The following CAMK4 variants were observed in gnomAD, a reference collection of about 807,000 sequenced individuals.
CAMK4 encodes calcium/calmodulin dependent protein kinase IV.
CAMK4 carries 22 observed loss-of-function variants against 44.9 expected under a neutral mutation model. The ratio of observed to expected loss-of-function variants is 0.49; its 90% CI spans 0.35 to 0.70. CAMK4 has a LOEUF of 0.70. Among genes scored for constraint, CAMK4 ranks in the 30% least tolerant of loss-of-function variants. The pLI, the probability that CAMK4 is intolerant of heterozygous loss-of-function variation, is 0.01. For synonymous variants in CAMK4, 218 were observed against 215.4 expected, an observed-to-expected ratio of 1.01 and a Z score of -0.11; for missense variants, 498 against 586.8, an observed-to-expected ratio of 0.85 and a Z score of 1.56.
chr5:111,451,348 A>T (rs1191296654), intron 7 of CAMK4, among the ~76,000 whole-genome samples: 3 of 152,026 alleles, frequency 2.0e-5, no homozygotes, highest in Admixed American at 6.6e-5. Flanking sequence ...ATATATATAT[A>T]TTTTTTGAGA....
At position 111,343,660 on chromosome 5, in the gene CAMK4, A is replaced by T. The variant is rs146518914; in HGVS notation, c.162-364A>T. Among the ~76,000 whole-genome samples, 73 of 151,860 alleles carry T rather than the reference A, an allele frequency of 4.8e-4. No homozygotes were observed. The East Asian group carries it at 0.014, about 29-fold the overall frequency. On this transcript the variant is annotated intron_variant, in intron 1 of 10. Transcript: ENST00000282356. ...TCATATGGTTTGTTTTATTCCAGAC[A>T]TGTACCTTTAGGAAAGCTCTGGGAT...
chr5:111,394,622 T>A (rs1213769897), intron 4 of CAMK4, 88 bp from the exon 5 acceptor site: 1 of 832,670 alleles, frequency 1.2e-6, no homozygotes, highest in East Asian at 2.6e-5. Flanking sequence ...ATGTGCACCA[T>A]CTTTAACATT....
At chr5:111,318,252 C>A (rs567958475) in intron 1 of CAMK4, among the ~76,000 whole-genome samples, 80 of 152,182 alleles carry the variant, frequency 5.3e-4, no homozygotes, top group Admixed American at 9.2e-4. Flanking sequence ...TTAAAGTTGG[C>A]AAAGTGTATG....
chr5:111,224,637 C>T lies in CAMK4; in HGVS notation c.154C>T (p.Leu52=), dbSNP rs367659734. 6.2e-7 allele frequency: 1 copy of T among 1,608,388 alleles called. No homozygotes were observed. Among genetic ancestry groups the T allele is most frequent in the African/African-American group, 1.3e-5 (1 of 74,582 alleles). The stretch of plus-strand genomic sequence containing the variant: ...CGATTTCTTCGAGGTGGAGTCGGAG[C>T]TGGGACGGTAAGGCGCGGGCTCCGG... The part of the protein sequence containing the change: ...LSDFFEVESE[L]GRGATSIVYR... Residue 52 remains leucine (L), a synonymous_variant, in exon 1 of 11, where the codon CTG becomes TTG. Transcript: ENST00000282356. The surrounding 1 kb of genome is among the most constrained non-coding windows in gnomAD (Gnocchi z 5.7).
chr5:111,368,960 C>G (rs989911246), intron 2 of CAMK4, among the ~76,000 whole-genome samples: 6 of 151,012 alleles, frequency 4.0e-5, no homozygotes, highest in African/African-American at 1.5e-4. Context: ...TCTTTTTATT[C>G]TGTTTTCAAA....
chr5:111,285,522 C>T (rs191969677), intron 1 of CAMK4, among the ~76,000 whole-genome samples: 5 of 152,318 alleles, frequency 3.3e-5, no homozygotes, highest in Admixed American at 2.6e-4. Flanking sequence ...GGTTCCTCTA[C>T]ATAATGATGT....
At chr5:111,432,009 A>G (rs1753463763) in intron 5 of CAMK4, among the ~76,000 whole-genome samples, 1 of 152,154 alleles carries the variant, frequency 6.6e-6, no homozygotes, top group Admixed American at 6.5e-5. Context: ...TTGGGTATGT[A>G]CCCTAAAGAA....
At chr5:111,466,879 A>G (rs10058335) in intron 7 of CAMK4, among the ~76,000 whole-genome samples, 1 of 151,956 alleles carries the variant, frequency 6.6e-6, no homozygotes, top group Non-Finnish European at 1.5e-5. Flanking sequence ...AAGAGCCTGC[A>G]TAGCCAAAGC....
At chr5:111,389,244 A>G (rs1751714876) in intron 4 of CAMK4, among the ~76,000 whole-genome samples, 1 of 152,152 alleles carries the variant, frequency 6.6e-6, no homozygotes, top group South Asian at 2.1e-4. Flanking sequence ...CATGAATCCC[A>G]TTCATGAAGG....
chr5:111,435,641 TC>T (rs1413714758), intron 5 of CAMK4, among the ~76,000 whole-genome samples: 1 of 152,194 alleles, frequency 6.6e-6, no homozygotes, highest in African/African-American at 2.4e-5. Flanking sequence ...ACTTTTGTGC[TC>T]CAATCTAATC....
chr5:111,457,836 C>G (rs1432261822), intron 7 of CAMK4, among the ~76,000 whole-genome samples: 1 of 152,154 alleles, frequency 6.6e-6, no homozygotes, highest in Non-Finnish European at 1.5e-5. Context: ...ATACTGCAAT[C>G]CAATCAAGTA....
intron 5 of CAMK4, among the ~76,000 whole-genome samples, chr5:111,432,815 A>G (rs1202113131): frequency 6.6e-6 from 1 of 151,964 alleles, no homozygotes; most frequent in East Asian, 1.9e-4. Flanking sequence ...TCATAATTCC[A>G]GTCATTCATT....
At chr5:111,278,554 T>C (rs1393817275) in intron 1 of CAMK4, among the ~76,000 whole-genome samples, 1 of 152,210 alleles carries the variant, frequency 6.6e-6, no homozygotes. Flanking sequence ...AATTTGTAGC[T>C]AAATATAAAA....
In CAMK4 at chr5:111,488,704, TTTTG is replaced by T. The variant is rs1282788714; in HGVS notation, c.*4242_*4245del. 1 of 152,212 alleles carries T rather than the reference TTTTG, an allele frequency of 6.6e-6. No individual in the cohort carries two copies. The highest frequency in any genetic ancestry group is 1.5e-5 in the Non-Finnish European group (1 of 68,030). 9.4% of individuals were successfully genotyped at this position (152,212 alleles called of 1,614,324 possible). On this transcript the variant is annotated 3_prime_UTR_variant, in exon 11 of 11. Coordinates refer to ENST00000282356, the MANE Select transcript of CAMK4 (RefSeq NM_001744.6). ...AAGGATAAACTTAGTAAGCCATTTA[TTTTG>T]TTTTAGAATTGTTTTTGCAAAGCAA...
intron 1 of CAMK4, among the ~76,000 whole-genome samples, chr5:111,225,886 A>C (rs977484308): frequency 1.3e-5 from 2 of 152,256 alleles, no homozygotes; most frequent in African/African-American, 4.8e-5. Context: ...ATGTATACAT[A>C]AACATCCATT....
intron 2 of CAMK4, among the ~76,000 whole-genome samples, chr5:111,354,852 G>T (rs1418884434): frequency 1.3e-5 from 2 of 152,068 alleles, no homozygotes; most frequent in African/African-American, 4.8e-5. Flanking sequence ...CAACCAGGCA[G>T]ACTCAGGATG....
At chr5:111,272,192 T>G (rs981754927) in intron 1 of CAMK4, among the ~76,000 whole-genome samples, 1 of 152,108 alleles carries the variant, frequency 6.6e-6, no homozygotes, top group Non-Finnish European at 1.5e-5. Flanking sequence ...AGAGGTGTTA[T>G]GGAAATTTTT....
chr5:111,408,771 C>G (rs1212513487), intron 5 of CAMK4, among the ~76,000 whole-genome samples: 1 of 152,160 alleles, frequency 6.6e-6, no homozygotes, highest in Non-Finnish European at 1.5e-5. Context: ...GGGGTATAGG[C>G]CTTGGGTAAA....
chr5:111,452,095 C>A (rs1436783637), intron 7 of CAMK4, among the ~76,000 whole-genome samples: 5 of 152,180 alleles, frequency 3.3e-5, no homozygotes, highest in Non-Finnish European at 7.3e-5. Context: ...TTTAGGTAGA[C>A]ATGAAGGATG....
Sources: gnomAD v4.1 joint callset for allele counts (sites outside exome capture counted in the v4.1 genomes callset) on GRCh38, gnomAD v4.1.1 for gene constraint, Gnocchi (gnomAD v3.1) non-coding constraint, MANE v1.5 for transcripts, NCBI Gene and HGNC (gene_info 2026-07-23, HGNC 2026-07-21) for gene names.